Variants in COL19A1 observed in about 807,000 individuals in gnomAD.
COL19A1 encodes the protein collagen type XIX alpha 1 chain.
A neutral mutation model predicts 190.2 loss-of-function variants in COL19A1; 159 were observed. That is an observed-to-expected ratio of 0.84 (90% CI 0.73 to 0.95). COL19A1 has a LOEUF of 0.95. Among genes scored for constraint, COL19A1 ranks in the 40% least tolerant of loss-of-function variants. The pLI, the probability that COL19A1 is intolerant of heterozygous loss-of-function variation, is 0.00. For synonymous variants in COL19A1, 509 were observed against 458.9 expected, an observed-to-expected ratio of 1.11 and a Z score of -1.39; for missense variants, 1,418 against 1,431.9, an observed-to-expected ratio of 0.99 and a Z score of 0.16.
chr6:70,026,611 G>A (rs1778744510), intron 12 of COL19A1, among the ~76,000 whole-genome samples: 1 of 151,732 alleles, frequency 6.6e-6, no homozygotes, highest in African/African-American at 2.4e-5. Flanking sequence ...ACAAAAAGTA[G>A]TAAGAGTTCT....
intron 9 of COL19A1, among the ~76,000 whole-genome samples, chr6:69,950,340 G>A (rs186382629): frequency 6.6e-6 from 1 of 151,930 alleles, no homozygotes; most frequent in African/African-American, 2.4e-5. Flanking sequence ...TTTTGTAATT[G>A]TAATACTTAT....
chr6:69,995,634 G>C (rs983505765), intron 11 of COL19A1, among the ~76,000 whole-genome samples: 3 of 151,584 alleles, frequency 2.0e-5, no homozygotes, highest in African/African-American at 7.3e-5. Context: ...TAATTATACA[G>C]ATAATTTTGC....
Position 70,167,268 on chromosome 6 carries a change from T to G in COL19A1, c.2446-757T>G, listed in dbSNP as rs564474223. Among the ~76,000 whole-genome samples the G allele has an allele frequency of 9.8e-5, 15 of 152,328 alleles. No homozygotes were observed. The South Asian group carries it at 2.3e-3, about 23-fold the overall frequency. On this transcript the variant is annotated intron_variant, in intron 37 of 50. Transcript: ENST00000620364. ...GACTTCTTCAACTCTGCAACTGATA[T>G]GTGAAAACTGCAGAAAGGAAAAGGC...
chr6:69,895,067 A>G (rs900192596), intron 2 of COL19A1, among the ~76,000 whole-genome samples: 1 of 152,234 alleles, frequency 6.6e-6, no homozygotes, highest in Non-Finnish European at 1.5e-5. Context: ...CAAAAGAGTT[A>G]AACCCGTTAG....
At chr6:69,919,737 A>G (rs61408646) in intron 4 of COL19A1, among the ~76,000 whole-genome samples, 4,684 of 152,228 alleles carry the variant, frequency 0.031, 242 homozygotes, top group African/African-American at 0.1. Context: ...TAACTTTGTA[A>G]TTAGATATTC....
At chr6:69,993,787 G>A (rs1320990239) in intron 11 of COL19A1, among the ~76,000 whole-genome samples, 6 of 151,982 alleles carry the variant, frequency 3.9e-5, no homozygotes, top group Non-Finnish European at 1.5e-5. Context: ...GTATTTCTGT[G>A]GAGTCAGTGG....
At chr6:69,921,664 G>A (rs956964715) in intron 4 of COL19A1, among the ~76,000 whole-genome samples, 41 of 132,642 alleles carry the variant, frequency 3.1e-4, no homozygotes, top group Admixed American at 5.5e-4. Flanking sequence ...GTATATATTC[G>A]TATGTAGATT....
intron 16 of COL19A1, 32 bp from the exon 17 acceptor site, chr6:70,121,848 A>G (rs753790115): frequency 2.2e-6 from 3 of 1,333,454 alleles, no homozygotes; most frequent in South Asian, 1.3e-5. Flanking sequence ...GTAAATGTGT[A>G]TATATTTGTC....
intron 14 of COL19A1, among the ~76,000 whole-genome samples, chr6:70,058,335 T>A (rs905586056): frequency 6.6e-6 from 1 of 152,038 alleles, no homozygotes; most frequent in Non-Finnish European, 1.5e-5. Context: ...ATTTTTAAAT[T>A]TTTGAAGGCA....
At chr6:70,122,546 A>T (rs1784944235) in intron 17 of COL19A1, among the ~76,000 whole-genome samples, 1 of 152,178 alleles carries the variant, frequency 6.6e-6, no homozygotes, top group Non-Finnish European at 1.5e-5. Context: ...TCTAGGTGAG[A>T]TCATTGATTG....
chr6:70,121,847 T>C, intron 16 of COL19A1, 33 bp from the exon 17 acceptor site: 2 of 1,312,438 alleles, frequency 1.5e-6, no homozygotes, highest in Non-Finnish European at 2.1e-6. Flanking sequence ...GGTAAATGTG[T>C]ATATATTTGT....
chr6:69,887,386 C>T (rs1422662557), intron 2 of COL19A1, among the ~76,000 whole-genome samples: 1 of 152,172 alleles, frequency 6.6e-6, no homozygotes, highest in African/African-American at 2.4e-5. Flanking sequence ...TATTTTCTCA[C>T]AGAGATGCTA....
rs200983835 is a variant in COL19A1 at position 69,914,260 on chromosome 6, T to A, written c.267-13649T>A. 9.2e-5 allele frequency among the ~76,000 whole-genome samples: 14 copies of A among 152,290 alleles called. No individual in the cohort carries two copies. The East Asian group carries it at 2.5e-3, about 27-fold the overall frequency. On this transcript the variant is annotated intron_variant, in intron 4 of 50. Coordinates refer to ENST00000620364, the MANE Select transcript of COL19A1 (RefSeq NM_001858.6). ...TAAGATTTCAGAGTCTCTGTGGCTG[T>A]GGAACTCCAACATCATCAACCAGCC...
intron 15 of COL19A1, 110 bp from the exon 16 acceptor site, chr6:70,102,059 C>G: frequency 1.0e-6 from 1 of 955,298 alleles, no homozygotes; most frequent in Admixed American, 2.0e-5. Context: ...GGAATTGTTT[C>G]TTAACTTTCT....
intron 16 of COL19A1, 99 bp downstream of exon 16, chr6:70,102,321 C>A: frequency 1.1e-6 from 1 of 884,452 alleles, no homozygotes; most frequent in Non-Finnish European, 1.9e-6. Context: ...TAATGATTTC[C>A]TTTATTCTAC....
At chr6:70,098,021 A>C (rs1783389964) in intron 15 of COL19A1, among the ~76,000 whole-genome samples, 1 of 152,160 alleles carries the variant, frequency 6.6e-6, no homozygotes, top group African/African-American at 2.4e-5. Context: ...ATGGACCAAA[A>C]CAGCCAGAGA....
intron 37 of COL19A1, 123 bp from the exon 38 acceptor site, chr6:70,167,902 T>C (rs989408090): frequency 1.5e-6 from 1 of 676,366 alleles, no homozygotes; most frequent in African/African-American, 1.9e-5. Flanking sequence ...ATTCCCTTTG[T>C]AAAATAGAAT....
At chr6:69,880,188 T>G (rs553230698) in intron 2 of COL19A1, among the ~76,000 whole-genome samples, 15 of 152,340 alleles carry the variant, frequency 9.8e-5, no homozygotes, top group African/African-American at 3.6e-4. Flanking sequence ...TTGCAATTAT[T>G]AAATGTATCA....
At chr6:69,878,476 G>T (rs1768284530) in intron 1 of COL19A1, among the ~76,000 whole-genome samples, 1 of 151,978 alleles carries the variant, frequency 6.6e-6, no homozygotes, top group South Asian at 2.1e-4. Flanking sequence ...GCCTTCCAAA[G>T]TGCTGGGATT....
Sources: allele counts gnomAD v4.1 joint callset (sites outside exome capture counted in the v4.1 genomes callset), GRCh38; gene constraint gnomAD v4.1.1; transcripts MANE v1.5; gene names NCBI Gene and HGNC (gene_info 2026-07-23, HGNC 2026-07-21).